DNAH7: variants seen among roughly 807,000 people sequenced by gnomAD.
DNAH7 encodes the protein axonemal beta dynein heavy chain 7.
Under a neutral mutation model 444.6 loss-of-function variants are expected in DNAH7, and 397 were observed. That is an observed-to-expected ratio of 0.89 (90% CI 0.82 to 0.97). The LOEUF is 0.97. DNAH7 is among the 50% of genes least tolerant of loss of function. The pLI, the probability that DNAH7 is intolerant of heterozygous loss-of-function variation, is 0.00. For missense variants in DNAH7, 4,902 were observed against 4,800.8 expected, an observed-to-expected ratio of 1.02 and a Z score of -0.62; for synonymous variants, 1,636 against 1,624.4, an observed-to-expected ratio of 1.01 and a Z score of -0.17.
chr2:195,856,841 T>C (rs1480273641), intron 44 of DNAH7, among the ~76,000 whole-genome samples: 1 of 152,160 alleles, frequency 6.6e-6, no homozygotes, highest in African/African-American at 2.4e-5. Flanking sequence ...TTTTTTAATA[T>C]ACTTTAATTA....
Position 195,922,165 on chromosome 2 carries a change from A to G in DNAH7, c.3858T>C (p.Ala1286=). ...ENHLETKMIN[A]GLRYGYEYLG... Reference sequence around the variant, plus strand: ...GATATTCATATCCATATCGCAAACCAGCATTGATCATTTTTGTTTCTAAAT... The same window carrying G: ...GATATTCATATCCATATCGCAAACCGGCATTGATCATTTTTGTTTCTAAAT... The change falls in exon 24 of 65, where the codon GCT becomes GCC. Residue 1286 remains alanine (A), a synonymous_variant. Transcript: ENST00000312428. The G allele has an allele frequency of 6.2e-7, 1 of 1,612,784 alleles. No individual in the cohort carries two copies. Among genetic ancestry groups the G allele is most frequent in the South Asian group, 1.1e-5 (1 of 91,012 alleles).
rs576736890 is a variant in DNAH7, at chr2:195,895,621, C to T, written c.4648-397G>A. On this transcript the variant is annotated intron_variant, in intron 29 of 64. Coordinates refer to ENST00000312428, the MANE Select transcript of DNAH7 (RefSeq NM_018897.3). Reference sequence around the variant, plus strand: ...AAGTATAAAATTTCATAAATAAAACCGTCAAAATAACCAAGATAATTAACA... The same window carrying T: ...AAGTATAAAATTTCATAAATAAAACTGTCAAAATAACCAAGATAATTAACA... 2.6e-5 allele frequency among the ~76,000 whole-genome samples: 4 copies of T among 152,036 alleles called. No individual in the cohort carries two copies. In the East Asian group the frequency reaches 5.8e-4, roughly 22 times the overall value.
rs1295093903 is a variant in DNAH7, at chr2:195,740,607, GTGTGTGTGTATATATA to G, written c.11868+143_11868+158del. On this transcript the variant is annotated intron_variant, in intron 64 of 64. Coordinates refer to ENST00000312428, the MANE Select transcript of DNAH7 (RefSeq NM_018897.3). ...TATATGTGTGTGTGTGTGTGTGTGT[GTGTGTGTGTATATATA>G]TATATATATATATATATATATACAT... 8.6e-3 allele frequency among the ~76,000 whole-genome samples: 474 copies of G among 55,066 alleles called. 17 individuals carry two copies. The highest frequency in any genetic ancestry group is 0.062 in the East Asian group (200 of 3,232). The allele number at this position is 55,066 out of a possible 152,430, so 36.1% of individuals were successfully genotyped here.
intron 15 of DNAH7, among the ~76,000 whole-genome samples, chr2:195,976,782 A>AGAGAGAGAGAGAGAGAGAGAGG (rs1271798254): frequency 5.5e-5 from 8 of 146,704 alleles, no homozygotes; most frequent in Admixed American, 2.8e-4. Context: ...AGAGAGAGAG[A>AGAGAGAGAGAGAGAGAGAGAGG]GAGAGACTCT....
chr2:195,908,360 T>TTGGTATCCATACCATTTTA (rs1553559273), intron 25 of DNAH7, among the ~76,000 whole-genome samples: 4 of 152,240 alleles, frequency 2.6e-5, no homozygotes, highest in African/African-American at 9.6e-5. Flanking sequence ...TCATACCATT[T>TTGGTATCCATACCATTTTA]TGGTATCCAT....
intron 63 of DNAH7, among the ~76,000 whole-genome samples, chr2:195,745,170 G>T (rs1174576000): frequency 6.6e-6 from 1 of 152,206 alleles, no homozygotes; most frequent in East Asian, 1.9e-4. Context: ...AGGAGCTGAT[G>T]GAGCTGAAAG....
chr2:195,873,965 G>T (rs1700872744), intron 38 of DNAH7, among the ~76,000 whole-genome samples: 1 of 152,048 alleles, frequency 6.6e-6, no homozygotes, highest in African/African-American at 2.4e-5. Context: ...ATCAGACCAG[G>T]CAGAAAAAGC....
intron 5 of DNAH7, among the ~76,000 whole-genome samples, chr2:196,037,366 C>A (rs1179231418): frequency 6.6e-6 from 1 of 151,958 alleles, no homozygotes; most frequent in Non-Finnish European, 1.5e-5. Flanking sequence ...ACAACACCTG[C>A]AAAGGAACAC....
chr2:195,960,256 T>G lies in DNAH7; in HGVS notation c.2891+4A>C. 1 of 1,594,866 alleles carries G rather than the reference T, an allele frequency of 6.3e-7. No homozygotes were observed. Among genetic ancestry groups the G allele is most frequent in the Non-Finnish European group, 8.5e-7 (1 of 1,170,580 alleles). The stretch of plus-strand genomic sequence containing the variant: ...TAAACATTGCCATATAAATATCACT[T>G]TACCTCATTTGTTTTTCATAAGGCT... On this transcript the variant is annotated splice_donor_region_variant and intron_variant, in intron 18 of 64. Transcript: ENST00000312428.
intron 55 of DNAH7, among the ~76,000 whole-genome samples, chr2:195,798,123 A>C (rs897736537): frequency 5.9e-5 from 9 of 152,148 alleles, no homozygotes; most frequent in African/African-American, 2.2e-4. Flanking sequence ...AGTCTTCTTA[A>C]ATTTTTTTCT....
chr2:195,778,719 C>CATATATATATACACATATATATACACAT (rs1559089979), intron 58 of DNAH7, among the ~76,000 whole-genome samples: 3 of 46,632 alleles, frequency 6.4e-5, no homozygotes, highest in Non-Finnish European at 8.5e-5. Context: ...TATATATACA[C>CATATATATATACACATATATATACACAT]ATATATATAT....
At chr2:195,754,663 A>T in intron 62 of DNAH7, 149 bp from the exon 63 acceptor site, 1 of 710,998 alleles carries the variant, frequency 1.4e-6, no homozygotes, top group Non-Finnish European at 2.2e-6. Flanking sequence ...GGCACATACC[A>T]CCATGCCTGG....
chr2:195,937,785 T>C (rs1689153874), intron 19 of DNAH7, among the ~76,000 whole-genome samples: 2 of 152,084 alleles, frequency 1.3e-5, no homozygotes, highest in South Asian at 2.1e-4. Context: ...TCATTGACAA[T>C]GTAAGGAAAG....
chr2:195,878,814 G>T (rs1303688997), intron 36 of DNAH7, among the ~76,000 whole-genome samples: 1 of 152,118 alleles, frequency 6.6e-6, no homozygotes, highest in Non-Finnish European at 1.5e-5. Flanking sequence ...AAAATAAACT[G>T]AGGTTTCAAA....
In DNAH7 at chr2:195,875,793, A is replaced by C; in HGVS notation, c.6168T>G (p.Ala2056=). Residue 2056 remains alanine, a synonymous_variant, in exon 38 of 65, where the codon GCT becomes GCG. Coordinates refer to ENST00000312428, the MANE Select transcript of DNAH7 (RefSeq NM_018897.3). ...GTCTAAGTAACTCAATGGGAGGTTG[A>C]GCCCCATATACCTCCCGAGCAGGCA... ...VNMPAREVYG[A]QPPIELLRQW... 1 of 1,613,816 alleles carries C rather than the reference A, an allele frequency of 6.2e-7. No homozygotes were observed. Among genetic ancestry groups the C allele is most frequent in the East Asian group, 2.2e-5 (1 of 44,876 alleles).
intron 15 of DNAH7, among the ~76,000 whole-genome samples, chr2:195,974,997 A>C (rs1379590630): frequency 6.6e-6 from 1 of 152,140 alleles, no homozygotes; most frequent in Non-Finnish European, 1.5e-5. Flanking sequence ...GATTTTTATG[A>C]TTTGCTGGGC....
At chr2:195,971,109 TGAA>T (rs1321686781) in intron 16 of DNAH7, among the ~76,000 whole-genome samples, 1 of 152,218 alleles carries the variant, frequency 6.6e-6, no homozygotes, top group East Asian at 1.9e-4. Context: ...CAGTTTAAAA[TGAA>T]GAGTTTTTTA....
At chr2:196,054,140 A>G (rs1158900191) in intron 2 of DNAH7, among the ~76,000 whole-genome samples, 1 of 152,234 alleles carries the variant, frequency 6.6e-6, no homozygotes, top group Non-Finnish European at 1.5e-5. Flanking sequence ...TAGCCCTTTA[A>G]GACCAAAATC....
At chr2:195,950,259 T>A (rs577300233) in intron 19 of DNAH7, among the ~76,000 whole-genome samples, 40 of 152,270 alleles carry the variant, frequency 2.6e-4, no homozygotes, top group African/African-American at 9.6e-4. Flanking sequence ...GTTGGTAGGC[T>A]ATTAATTACT....
Sources: gnomAD v4.1 joint callset for allele counts (sites outside exome capture counted in the v4.1 genomes callset) on GRCh38, gnomAD v4.1.1 for gene constraint, MANE v1.5 for transcripts, NCBI Gene and HGNC (gene_info 2026-07-23, HGNC 2026-07-21) for gene names.